GATD1: variants seen among roughly 807,000 people sequenced by gnomAD.
The protein encoded by GATD1 is glutamine amidotransferase-like class 1 domain-containing protein 1.
GATD1 carries 23 observed loss-of-function variants against 25.9 expected under a neutral mutation model. The observed-to-expected ratio is 0.89, with a 90% CI of 0.64 to 1.26. The LOEUF (loss-of-function observed/expected upper bound fraction) is 1.26. Ranked by LOEUF, GATD1 falls within the 50% of genes most tolerant of loss-of-function variation. GATD1 has a pLI of 0.00. For synonymous variants in GATD1, 177 were observed against 134.6 expected (o/e 1.31, Z -2.18); for missense variants, 347 against 312.5 (o/e 1.11, Z -0.83).
At chr11:772,296 G>A (rs1863526077) in intron 5 of GATD1, 131 bp downstream of exon 5, 1 of 511,506 alleles carries the variant, frequency 2.0e-6, no homozygotes, top group African/African-American at 2.7e-5. Context: ...TGTGATGGGG[G>A]AGGACAGAGC....
intron 1 of GATD1, chr11:777,184 C>T (rs1239353157): frequency 1.1e-5 from 3 of 264,382 alleles, no homozygotes; most frequent in African/African-American, 6.9e-5. Context: ...AGCTCCATCC[C>T]ACCAACCCGC....
In GATD1 at chr11:774,038, C is replaced by T. The variant is rs754507993; in HGVS notation, c.217G>A (p.Ala73Thr). Residue 73 changes from alanine to threonine, a missense_variant, in exon 3 of 8, where the codon GCC becomes ACC. Physicochemically the swap from Ala to Thr is moderately conservative, Grantham distance 58. Coordinates refer to ENST00000319863, the MANE Select transcript of GATD1 (RefSeq NM_182612.4). ...WVQDFRLKAY[A>T]SPAKLESIDG... ...ATGGACTCGAGCTTGGCGGGGCTGG[C>T]GTAAGCCTTGAGGCGGAAGTCTTGC... 1.9e-6 allele frequency: 3 copies of T among 1,613,464 alleles called. No individual in the cohort carries two copies. Among genetic ancestry groups the T allele is most frequent in the Admixed American group, 1.7e-5 (1 of 59,996 alleles).
chr11:776,506 C>G (rs758669774), intron 1 of GATD1, among the ~76,000 whole-genome samples: 43 of 151,838 alleles, frequency 2.8e-4, no homozygotes, highest in East Asian at 3.9e-4. Context: ...CCCACCCCCC[C>G]AGGACTGAAC....
chr11:767,325 C>G lies in GATD1; in HGVS notation c.*3572G>C. 6.5e-7 allele frequency: 1 copy of G among 1,536,260 alleles called. No homozygotes were observed. Among genetic ancestry groups the G allele is most frequent in the Non-Finnish European group, 8.7e-7 (1 of 1,146,938 alleles). The stretch of plus-strand genomic sequence containing the variant: ...TCCGCTGCTCTTCTGGAGGTCTGTC[C>G]TCTTGCTTTCCTCCTCTGCCCCAGC... On this transcript the variant is annotated 3_prime_UTR_variant, in exon 8 of 8. Transcript: ENST00000319863.
chr11:773,278 T>TGGCCACCCACCCTCGGGA, intron 4 of GATD1: 1 of 483,330 alleles, frequency 2.1e-6, no homozygotes. Flanking sequence ...CAGGAGGGCA[T>TGGCCACCCACCCTCGGGA]GGCCACCCAC....
chr11:767,621 C>A lies in GATD1; in HGVS notation c.*3276G>T, dbSNP rs1189454201. On this transcript the variant is annotated 3_prime_UTR_variant, in exon 8 of 8. Transcript: ENST00000319863. ...TGGCTCTTCATGCACCCTGCTGTGG[C>A]CTGAGCACGTCCCCCCAAAACCCAC... 1.5e-6 allele frequency: 2 copies of A among 1,353,042 alleles called. No individual in the cohort carries two copies. The highest frequency in any genetic ancestry group is 1.9e-6 in the Non-Finnish European group (2 of 1,054,008). 83.8% of individuals were successfully genotyped at this position (1,353,042 alleles called of 1,614,324 possible). A position where few individuals can be genotyped will look rare whatever the true frequency, so the allele number is the denominator to read the frequency against.
rs1863170473 is a variant in GATD1, at chr11:768,268, A to T, written c.*2629T>A. On this transcript the variant is annotated 3_prime_UTR_variant, in exon 8 of 8. Transcript: ENST00000319863. ...GGCAGATCATGAGGTCAAGAGATCG[A>T]GACCATCCTGGCCAACATGGTGAAA... 6.6e-6 allele frequency: 1 copy of T among 150,728 alleles called. No individual in the cohort carries two copies. Among genetic ancestry groups the T allele is most frequent in the African/African-American group, 2.4e-5 (1 of 41,094 alleles). The allele number at this position is 150,728 out of a possible 1,614,324, so 9.3% of individuals were successfully genotyped here.
chr11:771,506 G>A (rs969187791), intron 5 of GATD1, 80 bp from the exon 6 acceptor site: 19 of 1,452,028 alleles, frequency 1.3e-5, no homozygotes, highest in Non-Finnish European at 1.7e-5. Context: ...TCAAGTCAGG[G>A]CAGGGAGCCT....
At position 777,399 on chromosome 11, in the gene GATD1, C is replaced by T; in HGVS notation, c.64G>A (p.Gly22Ser). Residue 22 changes from glycine to serine, a missense_variant and splice_region_variant, in exon 1 of 8, where the codon GGT (glycine) becomes AGT (serine). Gly to Ser is a moderately conservative substitution (Grantham distance 56, BLOSUM62 0). Coordinates refer to ENST00000319863, the MANE Select transcript of GATD1 (RefSeq NM_182612.4). ...CLLVASGAAE[G>S]VSAQSFLHCF... ...ACTGGCCCCGGCCGCCGGGCCTCAC[C>T]TTCGGCGGCGCCGCTGGCCACGAGC... 1 of 1,298,282 alleles carries T rather than the reference C, an allele frequency of 7.7e-7. No individual in the cohort carries two copies. Among genetic ancestry groups the T allele is most frequent in the Non-Finnish European group, 9.8e-7 (1 of 1,021,622 alleles). 80.4% of individuals were successfully genotyped at this position (1,298,282 alleles called of 1,614,324 possible).
Position 770,395 on chromosome 11 carries a change from G to A in GATD1, c.*502C>T. The A allele has an allele frequency of 1.3e-6, 2 of 1,524,420 alleles. No homozygotes were observed. The highest frequency in any genetic ancestry group is 1.8e-6 in the Non-Finnish European group (2 of 1,142,216). The allele number at this position is 1,524,420 out of a possible 1,614,324, so 94.4% of individuals were successfully genotyped here. ...GTCGGCCTTGGGGCAGGAGGCTGCTGCTCCTAAAAAATTCCGTTCACCTTT... is the reference window on the plus strand; with the variant it reads ...GTCGGCCTTGGGGCAGGAGGCTGCTACTCCTAAAAAATTCCGTTCACCTTT... On this transcript the variant is annotated 3_prime_UTR_variant, in exon 8 of 8. Transcript: ENST00000319863.
At position 770,585 on chromosome 11, in the gene GATD1, G is replaced by C. The variant is rs1452387684; in HGVS notation, c.*312C>G. 4.2e-6 allele frequency: 6 copies of C among 1,411,814 alleles called. No homozygotes were observed. Among genetic ancestry groups the C allele is most frequent in the Admixed American group, 2.9e-5 (1 of 34,522 alleles). 87.5% of individuals were successfully genotyped at this position (1,411,814 alleles called of 1,614,324 possible). ...CAACAGTGACCACACGTGACAACCA[G>C]TCCTCCCTAGAAAACCCAGCCTGGA... On this transcript the variant is annotated 3_prime_UTR_variant, in exon 8 of 8. Transcript: ENST00000319863.
At chr11:772,573 A>G in intron 4 of GATD1, 52 bp from the exon 5 acceptor site, 1 of 1,536,292 alleles carries the variant, frequency 6.5e-7, no homozygotes, top group Non-Finnish European at 8.9e-7. Flanking sequence ...CCGCACCCTG[A>G]AGCCCCTCCC....
intron 2 of GATD1, 124 bp downstream of exon 2, chr11:774,942 C>A: frequency 3.6e-6 from 3 of 827,588 alleles, no homozygotes; most frequent in Non-Finnish European, 5.8e-6. Context: ...AGACTCTTCA[C>A]CCCTCCACCA....
In GATD1 at chr11:770,620, G is replaced by C; in HGVS notation, c.*277C>G. On this transcript the variant is annotated 3_prime_UTR_variant, in exon 8 of 8. Coordinates refer to ENST00000319863, the MANE Select transcript of GATD1 (RefSeq NM_182612.4). ...GAAAACCCAGCCTGGAATTCCCGAG[G>C]ACCACCTAGCAGCTAGCACAGCTCT... 1 of 1,412,152 alleles carries C rather than the reference G, an allele frequency of 7.1e-7. No homozygotes were observed. Among genetic ancestry groups the C allele is most frequent in the Non-Finnish European group, 9.2e-7 (1 of 1,086,500 alleles). The allele number at this position is 1,412,152 out of a possible 1,614,324, so 87.5% of individuals were successfully genotyped here.
At position 774,039 on chromosome 11, in the gene GATD1, G is replaced by A. The variant is rs267603198; in HGVS notation, c.216C>T (p.Tyr72=). ...TGGACTCGAGCTTGGCGGGGCTGGCGTAAGCCTTGAGGCGGAAGTCTTGCA... is the reference window on the plus strand; with the variant it reads ...TGGACTCGAGCTTGGCGGGGCTGGCATAAGCCTTGAGGCGGAAGTCTTGCA... ...RWVQDFRLKA[Y]ASPAKLESID... The change falls in exon 3 of 8, where the codon TAC becomes TAT. Residue 72 remains tyrosine (Y), a synonymous_variant. Transcript: ENST00000319863. The A allele has an allele frequency of 9.9e-6, 16 of 1,613,488 alleles. No homozygotes were observed. The highest frequency in any genetic ancestry group is 1.6e-4 in the Middle Eastern group (1 of 6,082).
At position 769,043 on chromosome 11, in the gene GATD1, G is replaced by A; in HGVS notation, c.*1854C>T. On this transcript the variant is annotated 3_prime_UTR_variant, in exon 8 of 8. Coordinates refer to ENST00000319863, the MANE Select transcript of GATD1 (RefSeq NM_182612.4). ...TTGAACCCGGGAGACAGAGGTTGCAGTGAGCCAAGATTGTGCCACTGCACT... is the reference window on the plus strand; with the variant it reads ...TTGAACCCGGGAGACAGAGGTTGCAATGAGCCAAGATTGTGCCACTGCACT... 1.3e-6 allele frequency: 1 copy of A among 749,240 alleles called. No individual in the cohort carries two copies. Among genetic ancestry groups the A allele is most frequent in the South Asian group, 5.9e-5 (1 of 16,874 alleles). The allele number at this position is 749,240 out of a possible 1,614,324, so 46.4% of individuals were successfully genotyped here.
intron 5 of GATD1, 149 bp from the exon 6 acceptor site, chr11:771,575 T>C: frequency 7.1e-7 from 1 of 1,402,520 alleles, no homozygotes; most frequent in Non-Finnish European, 9.2e-7. Flanking sequence ...CTGCTAAGGC[T>C]GGAGGGCGGA....
intron 4 of GATD1, among the ~76,000 whole-genome samples, chr11:772,828 C>T (rs949653983): frequency 1.3e-5 from 2 of 152,218 alleles, no homozygotes; most frequent in Non-Finnish European, 2.9e-5. Flanking sequence ...GTTTACCAAA[C>T]CCTAGGACGC....
intron 1 of GATD1, among the ~76,000 whole-genome samples, chr11:776,134 C>CTGT (rs1285761066): frequency 6.6e-6 from 1 of 151,888 alleles, no homozygotes; most frequent in Admixed American, 6.6e-5. Flanking sequence ...AGGAGGGTGC[C>CTGT]ACCACGCCCA....
Sources: gnomAD v4.1 joint callset for allele counts (sites outside exome capture counted in the v4.1 genomes callset) on GRCh38, gnomAD v4.1.1 for gene constraint, MANE v1.5 for transcripts, NCBI Gene and HGNC (gene_info 2026-07-23, HGNC 2026-07-21) for gene names.